PRELID2: variants seen among roughly 807,000 people sequenced by gnomAD.
The protein encoded by PRELID2 is PRELI domain-containing protein 2.
Under a neutral mutation model 28.4 loss-of-function variants are expected in PRELID2, and 25 were observed. That is an observed-to-expected ratio of 0.88 (90% CI 0.64 to 1.23). PRELID2 has a LOEUF of 1.23. PRELID2 is among the 50% of genes most tolerant of loss of function. The pLI, the probability that PRELID2 is intolerant of heterozygous loss-of-function variation, is 0.00. For missense variants in PRELID2, 201 were observed against 214.4 expected (o/e 0.94, Z 0.39); for synonymous variants, 76 against 71.6 (o/e 1.06, Z -0.31).
chr5:145,827,409 A>G (rs890808523), intron 1 of PRELID2, among the ~76,000 whole-genome samples: 1 of 152,228 alleles, frequency 6.6e-6, no homozygotes, highest in Non-Finnish European at 1.5e-5. Context: ...ATGGCTGTTC[A>G]TTGGTCTTTC....
At chr5:145,572,559 A>T (rs1753023869) in intron 1 of PRELID2, among the ~76,000 whole-genome samples, 1 of 152,214 alleles carries the variant, frequency 6.6e-6, no homozygotes, top group Non-Finnish European at 1.5e-5. Flanking sequence ...TTATGAGAAG[A>T]TGACATTTTT....
chr5:145,291,460 G>A, the PRELID2 span, among the ~76,000 whole-genome samples: 2 of 151,166 alleles, frequency 1.3e-5, no homozygotes, highest in Non-Finnish European at 2.9e-5. Context: ...GAGCTAGAAA[G>A]AGGCAAGGAA....
the PRELID2 span, among the ~76,000 whole-genome samples, chr5:145,351,484 G>A: frequency 1.3e-5 from 2 of 152,140 alleles, no homozygotes; most frequent in South Asian, 2.1e-4. Context: ...CAACCCCCAA[G>A]ATTCAATTAC....
chr5:145,239,151 C>T, the PRELID2 span, among the ~76,000 whole-genome samples: 89 of 152,166 alleles, frequency 5.8e-4, 1 homozygote, highest in African/African-American at 2.0e-3. Context: ...TCTTCTAATC[C>T]GAACTGTAAT....
chr5:145,516,758 CA>C (rs1375405313), intron 1 of PRELID2, among the ~76,000 whole-genome samples: 2 of 152,126 alleles, frequency 1.3e-5, no homozygotes, highest in Admixed American at 1.3e-4. Flanking sequence ...CTCCAGTAAC[CA>C]AAACAGCATG....
At chr5:145,727,976 T>C (rs1756222889) in intron 1 of PRELID2, among the ~76,000 whole-genome samples, 1 of 152,176 alleles carries the variant, frequency 6.6e-6, no homozygotes, top group South Asian at 2.1e-4. Flanking sequence ...TTTTTATCCT[T>C]ACCTCCCTCC....
At chr5:145,690,317 C>T (rs992493512) in intron 1 of PRELID2, among the ~76,000 whole-genome samples, 1 of 152,134 alleles carries the variant, frequency 6.6e-6, no homozygotes, top group Non-Finnish European at 1.5e-5. Context: ...CCTAACCCTT[C>T]ATGCTTAGGG....
chr5:145,592,522 A>C (rs1416042692), intron 1 of PRELID2, among the ~76,000 whole-genome samples: 1 of 152,178 alleles, frequency 6.6e-6, no homozygotes, highest in East Asian at 1.9e-4. Context: ...CCACAGCAGA[A>C]TAGAAAGTGC....
the PRELID2 span, among the ~76,000 whole-genome samples, chr5:145,230,965 G>A: frequency 6.6e-6 from 1 of 152,148 alleles, no homozygotes; most frequent in Non-Finnish European, 1.5e-5. Context: ...GAGATAACAA[G>A]GAGAAAGCCT....
chr5:145,298,214 A>T, the PRELID2 span, among the ~76,000 whole-genome samples: 1 of 152,208 alleles, frequency 6.6e-6, no homozygotes, highest in Admixed American at 6.6e-5. Flanking sequence ...ACCTGACTTC[A>T]AACTATACTA....
chr5:145,496,611 G>A (rs766943008), intron 1 of PRELID2, among the ~76,000 whole-genome samples: 6 of 152,122 alleles, frequency 3.9e-5, no homozygotes, highest in Admixed American at 1.3e-4. Context: ...CTCCACTTGT[G>A]ACCACCAATC....
intron 1 of PRELID2, among the ~76,000 whole-genome samples, chr5:145,717,423 G>A (rs1755873056): frequency 6.6e-6 from 1 of 152,012 alleles, no homozygotes. Context: ...TATGGTATGT[G>A]AGTTATGTTT....
At chr5:145,782,985 G>A (rs992042080) in intron 5 of PRELID2, among the ~76,000 whole-genome samples, 2 of 152,230 alleles carry the variant, frequency 1.3e-5, no homozygotes, top group Admixed American at 1.3e-4. Flanking sequence ...CCCTCAGAGA[G>A]CGGCCAAGAC....
the PRELID2 span, among the ~76,000 whole-genome samples, chr5:145,406,306 T>C: frequency 6.6e-6 from 1 of 152,210 alleles, no homozygotes; most frequent in African/African-American, 2.4e-5. Flanking sequence ...TTTACCCTTC[T>C]ACAGAAACTG....
At chr5:145,682,399 A>G (rs963765713) in intron 1 of PRELID2, among the ~76,000 whole-genome samples, 3 of 152,162 alleles carry the variant, frequency 2.0e-5, no homozygotes, top group Admixed American at 1.3e-4. Context: ...TGTGACGTCT[A>G]CAATAAGTAT....
intron 1 of PRELID2, among the ~76,000 whole-genome samples, chr5:145,528,442 T>C (rs1358043077): frequency 2.0e-5 from 3 of 152,104 alleles, no homozygotes; most frequent in Admixed American, 6.6e-5. Context: ...ATAAAGGAGC[T>C]GTTCACCCAA....
chr5:145,375,652 C>T, the PRELID2 span, among the ~76,000 whole-genome samples: 1 of 152,200 alleles, frequency 6.6e-6, no homozygotes, highest in African/African-American at 2.4e-5. Flanking sequence ...GATCTGGGTT[C>T]TGTCCCTGAG....
intron 1 of PRELID2, among the ~76,000 whole-genome samples, chr5:145,489,196 A>G (rs1040475458): frequency 1.3e-4 from 20 of 152,148 alleles, no homozygotes; most frequent in Non-Finnish European, 2.5e-4. Context: ...TATCCTTTCT[A>G]TAAATTCCTT....
chr5:145,626,857 T>G (rs1292636081), intron 1 of PRELID2, among the ~76,000 whole-genome samples: 1 of 152,012 alleles, frequency 6.6e-6, no homozygotes, highest in Non-Finnish European at 1.5e-5. Context: ...CCCAACACTT[T>G]GGGAGGCCAA....
Sources: gnomAD v4.1 joint callset for allele counts (sites outside exome capture counted in the v4.1 genomes callset) on GRCh38, gnomAD v4.1.1 for gene constraint, MANE v1.5 for transcripts, NCBI Gene and HGNC (gene_info 2026-07-23, HGNC 2026-07-21) for gene names.